DHX15: variants seen among roughly 807,000 people sequenced by gnomAD.
DHX15 encodes ATP-dependent RNA helicase DHX15.
DHX15 carries 11 observed loss-of-function variants against 94.4 expected under a neutral mutation model. The ratio of observed to expected loss-of-function variants is 0.12; its 90% CI spans 0.07 to 0.19. The LOEUF (loss-of-function observed/expected upper bound fraction) is 0.19. DHX15 is among the 10% of genes least tolerant of loss of function. The probability of loss-of-function intolerance (pLI) is 1.00; values close to 1 mark genes in which losing one functional copy is unlikely to be tolerated. For synonymous variants in DHX15, 338 were observed against 329.9 expected (o/e 1.02, Z -0.27); for missense variants, 304 against 988.5 (o/e 0.31, Z 9.29).
chr4:24,548,439 G>A (rs900964934), intron 6 of DHX15, among the ~76,000 whole-genome samples: 3 of 152,140 alleles, frequency 2.0e-5, no homozygotes, highest in African/African-American at 7.2e-5. Context: ...CGCCACGCCC[G>A]GCCAGATCAG....
Position 24,549,577 on chromosome 4 carries a change from C to T in DHX15, c.1081-555G>A, listed in dbSNP as rs1456288821. 7.9e-5 allele frequency among the ~76,000 whole-genome samples: 12 copies of T among 152,296 alleles called. No individual in the cohort carries two copies. The East Asian group carries it at 1.7e-3, about 22-fold the overall frequency. ...AATTTTTTTCTCAGAAAACTACAGT[C>T]ACACGTTGCTTACTGACAGGAATAT... On this transcript the variant is annotated intron_variant, in intron 5 of 13. Coordinates refer to ENST00000336812, the MANE Select transcript of DHX15 (RefSeq NM_001358.3).
At position 24,528,016 on chromosome 4, in the gene DHX15, A is replaced by G. The variant is rs868218455; in HGVS notation, c.2296T>C (p.Tyr766His). 1 of 1,613,890 alleles carries G rather than the reference A, an allele frequency of 6.2e-7. No individual in the cohort carries two copies. Among genetic ancestry groups the G allele is most frequent in the Non-Finnish European group, 8.5e-7 (1 of 1,179,856 alleles). The change falls in exon 14 of 14, where the codon TAT becomes CAT. Residue 766 changes from tyrosine (Y) to histidine (H), a missense_variant. This residue lies in a region of DHX15 where 44 missense variants were observed against 236.7 expected (regional missense o/e 0.19). Transcript: ENST00000336812. Reference protein sequence around the residue: ...EWLVKIAPQYYDMSNFPQCEA... With the variant: ...EWLVKIAPQYHDMSNFPQCEA... Reference sequence around the variant, plus strand: ...CACTGTGGGAAATTGCTCATGTCATAATATTGAGGGGCAATTTTCACCAAC... The same window carrying G: ...CACTGTGGGAAATTGCTCATGTCATGATATTGAGGGGCAATTTTCACCAAC...
intron 10 of DHX15, chr4:24,539,199 A>T (rs760031172): frequency 6.6e-6 from 1 of 152,130 alleles, no homozygotes; most frequent in Non-Finnish European, 1.5e-5. Context: ...TTACATTTAA[A>T]TTTTTTTCAA....
intron 5 of DHX15, among the ~76,000 whole-genome samples, chr4:24,552,023 CTTAAG>C (rs1185472108): frequency 5.3e-5 from 8 of 152,300 alleles, no homozygotes; most frequent in Admixed American, 5.2e-4. Context: ...TCCCGTAACA[CTTAAG>C]TTTTTAGATA....
At chr4:24,548,789 G>T in intron 6 of DHX15, 66 bp downstream of exon 6, 1 of 1,452,166 alleles carries the variant, frequency 6.9e-7, no homozygotes, top group Non-Finnish European at 9.3e-7. Flanking sequence ...CTTTATAACT[G>T]AATACAGTTT....
intron 3 of DHX15, among the ~76,000 whole-genome samples, chr4:24,559,293 T>TGGAA (rs1721810637): frequency 6.6e-6 from 1 of 150,524 alleles, no homozygotes; most frequent in African/African-American, 2.4e-5. Flanking sequence ...AGCCTCCAGT[T>TGGAA]GGAACTAACC....
At chr4:24,558,217 C>A (rs1721784400) in intron 3 of DHX15, among the ~76,000 whole-genome samples, 1 of 152,096 alleles carries the variant, frequency 6.6e-6, no homozygotes. Flanking sequence ...CGAGTTCAAG[C>A]ATTCACAGGC....
chr4:24,578,643 G>A (rs967947564), intron 1 of DHX15, among the ~76,000 whole-genome samples: 2 of 152,050 alleles, frequency 1.3e-5, no homozygotes, highest in Admixed American at 6.5e-5. Flanking sequence ...ATGGCTCACT[G>A]CAATATCAAA....
chr4:24,544,599 G>A (rs55994879), intron 6 of DHX15, among the ~76,000 whole-genome samples: 2 of 152,204 alleles, frequency 1.3e-5, no homozygotes, highest in African/African-American at 4.8e-5. Context: ...AAGCATAACC[G>A]GCATTTAATA....
intron 1 of DHX15, among the ~76,000 whole-genome samples, chr4:24,581,274 C>T (rs943935851): frequency 2.6e-5 from 4 of 152,032 alleles, no homozygotes; most frequent in East Asian, 3.9e-4. Context: ...GTGATCCACC[C>T]GCCTCGGCCT....
In DHX15 at chr4:24,529,720, C is replaced by T; in HGVS notation, c.2151G>A (p.Gln717=). 1.2e-6 allele frequency: 2 copies of T among 1,614,216 alleles called. No homozygotes were observed. The highest frequency in any genetic ancestry group is 2.2e-5 in the South Asian group (2 of 91,086). ...CAGTAGAGGGATGCAACTGAACCAC[C>T]TGGTTATCTTTCACAGTTAAGTAAT... The part of the protein sequence containing the change: ...TGHYLTVKDN[Q]VVQLHPSTVL... Residue 717 remains glutamine, a synonymous_variant, in exon 13 of 14, where the codon CAG becomes CAA. Transcript: ENST00000336812.
At chr4:24,574,768 A>C (rs1722211898) in intron 2 of DHX15, among the ~76,000 whole-genome samples, 1 of 152,220 alleles carries the variant, frequency 6.6e-6, no homozygotes, top group Non-Finnish European at 1.5e-5. Flanking sequence ...ATGAGCTAAT[A>C]CATGTAAAGT....
chr4:24,560,021 C>G (rs1721831549), intron 3 of DHX15, among the ~76,000 whole-genome samples: 1 of 152,038 alleles, frequency 6.6e-6, no homozygotes, highest in Non-Finnish European at 1.5e-5. Flanking sequence ...ACCAAAAACC[C>G]CATGTACTGA....
intron 3 of DHX15, among the ~76,000 whole-genome samples, chr4:24,564,247 G>T (rs1056854571): frequency 2.0e-4 from 31 of 152,094 alleles, no homozygotes; most frequent in Non-Finnish European, 1.0e-4. Context: ...CGTATGTGTA[G>T]TATTTTTTAA....
At chr4:24,555,048 C>A in intron 4 of DHX15, 105 bp from the exon 5 acceptor site, 1 of 707,712 alleles carries the variant, frequency 1.4e-6, no homozygotes, top group South Asian at 2.5e-5. Flanking sequence ...ATAAAAATGC[C>A]CATGAAAACC....
At chr4:24,579,527 CAGGG>C (rs1722357651) in intron 1 of DHX15, among the ~76,000 whole-genome samples, 2 of 152,156 alleles carry the variant, frequency 1.3e-5, no homozygotes, top group Admixed American at 1.3e-4. Context: ...ACACCACGAG[CAGGG>C]AGGGAGGTAT....
chr4:24,547,931 A>ATATC (rs1380972691), intron 6 of DHX15, among the ~76,000 whole-genome samples: 31 of 36,316 alleles, frequency 8.5e-4, no homozygotes, highest in African/African-American at 3.5e-3. Flanking sequence ...ATATATATAT[A>ATATC]TATATATATA....
At chr4:24,541,811 CT>C (rs1265758707) in intron 8 of DHX15, 61 bp downstream of exon 8, 1 of 1,439,168 alleles carries the variant, frequency 6.9e-7, no homozygotes, top group African/African-American at 1.4e-5. Flanking sequence ...CAATGTTCTT[CT>C]GGTAAGATAA....
At chr4:24,540,338 A>C (rs370256081) in intron 9 of DHX15, 39 bp from the exon 10 acceptor site, 52 of 1,542,664 alleles carry the variant, frequency 3.4e-5, no homozygotes, top group Middle Eastern at 1.7e-4. Context: ...CGGTGCCTTA[A>C]GCAAGCAAAA....
Sources: allele counts gnomAD v4.1 joint callset (sites outside exome capture counted in the v4.1 genomes callset), GRCh38; gene constraint gnomAD v4.1.1; regional missense constraint gnomAD v4.1.1; transcripts MANE v1.5; gene names NCBI Gene and HGNC (gene_info 2026-07-23, HGNC 2026-07-21).